Variants in SEMA6A observed in about 807,000 individuals in gnomAD.
The protein encoded by SEMA6A is semaphorin-6A.
Under a neutral mutation model 96.8 loss-of-function variants are expected in SEMA6A, and 25 were observed. That is an observed-to-expected ratio of 0.26 (90% CI 0.19 to 0.36). The LOEUF is 0.36. Ranked by LOEUF, SEMA6A falls within the 10% of genes least tolerant of loss-of-function variation. The pLI is 1.00. For missense variants in SEMA6A, 1,363 were observed against 1,323.1 expected (o/e 1.03, Z -0.47); for synonymous variants, 612 against 518.0 (o/e 1.18, Z -2.46).
At chr5:116,462,182 A>G (rs936487354) in intron 18 of SEMA6A, among the ~76,000 whole-genome samples, 1 of 152,136 alleles carries the variant, frequency 6.6e-6, no homozygotes, top group African/African-American at 2.4e-5. Context: ...GAGTGTTAAA[A>G]TGTAAGAGTA....
In SEMA6A at chr5:116,543,975, G is replaced by A. The variant is rs370899167; in HGVS notation, c.-39+30210C>T. ...TTGCAAGGTCTTTGCTTATATGACA[G>A]TAAATGTTCTCTGTGGCATTACTAA... On this transcript the variant is annotated intron_variant, in intron 1 of 18. Transcript: ENST00000343348. Among the ~76,000 whole-genome samples, 88 of 152,220 alleles carry A rather than the reference G, an allele frequency of 5.8e-4. 1 individual carries two copies. The highest frequency in any genetic ancestry group is 2.0e-3 in the African/African-American group (84 of 41,526).
intron 1 of SEMA6A, among the ~76,000 whole-genome samples, chr5:116,573,782 C>A (rs1252775109): frequency 6.6e-6 from 1 of 152,152 alleles, no homozygotes; most frequent in Admixed American, 6.5e-5. Context: ...GCCTTCGACA[C>A]ACCGGGCCAG....
rs894558192 is a variant in SEMA6A, at chr5:116,447,909, T to G, written c.1895-98A>C. 8.4e-5 allele frequency: 81 copies of G among 960,812 alleles called. 2 individuals carry two copies. In the East Asian group the frequency reaches 2.1e-3, roughly 25 times the overall value. 59.5% of individuals were successfully genotyped at this position (960,812 alleles called of 1,614,324 possible). The stretch of plus-strand genomic sequence containing the variant: ...CTTGTTAATTAATAACAGTAGTAAG[T>G]GACAACAGCACCTCTGCACAACTTG... On this transcript the variant is annotated intron_variant, in intron 18 of 18. Coordinates refer to ENST00000343348, the MANE Select transcript of SEMA6A (RefSeq NM_020796.5).
intron 11 of SEMA6A, among the ~76,000 whole-genome samples, chr5:116,480,700 GA>G (rs1297664853): frequency 6.7e-6 from 1 of 149,436 alleles, no homozygotes; most frequent in Non-Finnish European, 1.5e-5. Context: ...AGTGTAGAAA[GA>G]AAAGACTCTC....
chr5:116,556,318 A>G (rs1760603608), intron 1 of SEMA6A, among the ~76,000 whole-genome samples: 2 of 152,254 alleles, frequency 1.3e-5, no homozygotes, highest in African/African-American at 4.8e-5. Flanking sequence ...ACTGGCAGAA[A>G]GATTCATCTG....
At chr5:116,505,106 A>C (rs888415415) in intron 1 of SEMA6A, 124 bp from the exon 2 acceptor site, 5 of 555,070 alleles carry the variant, frequency 9.0e-6, no homozygotes, top group Non-Finnish European at 1.6e-5. Context: ...CTACATGGTA[A>C]ATTCGTTGAT....
At chr5:116,551,058 G>T (rs1375930530) in intron 1 of SEMA6A, among the ~76,000 whole-genome samples, 1 of 152,090 alleles carries the variant, frequency 6.6e-6, no homozygotes, top group Non-Finnish European at 1.5e-5. Context: ...GGATCATTAG[G>T]GAATAGTCTC....
At chr5:116,563,235 G>A (rs1760890360) in intron 1 of SEMA6A, among the ~76,000 whole-genome samples, 1 of 152,176 alleles carries the variant, frequency 6.6e-6, no homozygotes, top group Non-Finnish European at 1.5e-5. Flanking sequence ...ATCTTTGGAA[G>A]GAATGGCCTC....
At chr5:116,518,181 A>G (rs1758755439) in intron 1 of SEMA6A, among the ~76,000 whole-genome samples, 1 of 149,182 alleles carries the variant, frequency 6.7e-6, no homozygotes, top group African/African-American at 2.5e-5. Context: ...TAGGGGTGGT[A>G]GAGAAGGAAG....
At chr5:116,475,433 C>A in intron 16 of SEMA6A, 112 bp downstream of exon 16, 1 of 626,212 alleles carries the variant, frequency 1.6e-6, no homozygotes, top group South Asian at 2.4e-5. Context: ...CCGTCATTTA[C>A]GCATGCTTTA....
intron 1 of SEMA6A, among the ~76,000 whole-genome samples, chr5:116,548,618 GAT>G (rs961256617): frequency 5.3e-5 from 8 of 152,128 alleles, no homozygotes; most frequent in Admixed American, 1.3e-4. Context: ...AGAGTTTTAA[GAT>G]ATGTTTCCAA....
intron 1 of SEMA6A, among the ~76,000 whole-genome samples, chr5:116,523,678 A>G (rs1759074258): frequency 6.6e-6 from 1 of 152,102 alleles, no homozygotes; most frequent in Non-Finnish European, 1.5e-5. Flanking sequence ...GTGCTTTCCA[A>G]ACTTGCCTGC....
chr5:116,568,764 C>G (rs1180064876), intron 1 of SEMA6A, among the ~76,000 whole-genome samples: 1 of 152,052 alleles, frequency 6.6e-6, no homozygotes, highest in Non-Finnish European at 1.5e-5. Context: ...AAAAACAACA[C>G]AGTGAATGTT....
chr5:116,489,035 AGGGTGGGAGCAAGTCAGTGG>A, intron 7 of SEMA6A, 28 bp from the exon 8 acceptor site: 1 of 1,548,164 alleles, frequency 6.5e-7, no homozygotes, highest in Non-Finnish European at 8.7e-7. Flanking sequence ...AGAGGTGAAC[AGGGTGGGAGCAAGTCAGTGG>A]GGGTGGAGGA....
intron 1 of SEMA6A, among the ~76,000 whole-genome samples, chr5:116,541,042 G>C (rs1759940288): frequency 6.6e-6 from 1 of 152,188 alleles, no homozygotes; most frequent in African/African-American, 2.4e-5. Context: ...TGCCGCACTT[G>C]ATACTATTTG....
At chr5:116,468,740 G>A (rs1055766038) in intron 17 of SEMA6A, 2 of 152,144 alleles carry the variant, frequency 1.3e-5, no homozygotes, top group African/African-American at 2.4e-5. Context: ...ATTTTCAAGT[G>A]GAGTTATTGG....
At chr5:116,468,792 A>C (rs1325837777) in intron 17 of SEMA6A, 1 of 152,208 alleles carries the variant, frequency 6.6e-6, no homozygotes, top group Non-Finnish European at 1.5e-5. Context: ...AAAAGATACA[A>C]GGGCAACTAC....
chr5:116,556,241 A>G (rs1287198095), intron 1 of SEMA6A, among the ~76,000 whole-genome samples: 4 of 152,230 alleles, frequency 2.6e-5, no homozygotes, highest in African/African-American at 9.6e-5. Context: ...ATAAAATGAA[A>G]TAATGATTAC....
chr5:116,460,062 ATAAAAAT>A (rs1204038280), intron 18 of SEMA6A, among the ~76,000 whole-genome samples: 6 of 152,068 alleles, frequency 3.9e-5, no homozygotes, highest in African/African-American at 1.5e-4. Context: ...TGATAAAAAA[ATAAAAAT>A]AAAAATAAAA....
Sources: gnomAD v4.1 joint callset for allele counts (sites outside exome capture counted in the v4.1 genomes callset) on GRCh38, gnomAD v4.1.1 for gene constraint, MANE v1.5 for transcripts, NCBI Gene and HGNC (gene_info 2026-07-23, HGNC 2026-07-21) for gene names.